The following TINAGL1 variants were observed in gnomAD, a reference collection of about 807,000 sequenced individuals.
TINAGL1 encodes tubulointerstitial nephritis antigen like 1, also known as tubulointerstitial nephritis antigen-like.
A neutral mutation model predicts 62.0 loss-of-function variants in TINAGL1; 34 were observed. The ratio of observed to expected loss-of-function variants is 0.55; its 90% CI spans 0.42 to 0.73. TINAGL1 has a LOEUF of 0.73. TINAGL1 is among the 30% of genes least tolerant of loss of function. The pLI is 0.00. For missense variants in TINAGL1, 516 were observed against 653.2 expected (o/e 0.79, Z 2.29); for synonymous variants, 221 against 249.7 (o/e 0.88, Z 1.08).
Position 31,576,973 on chromosome 1 carries a change from GC to G in TINAGL1, c.-15-158del, listed in dbSNP as rs1205133309. 5.2e-5 allele frequency: 33 copies of G among 630,662 alleles called. No homozygotes were observed. The highest frequency in any genetic ancestry group is 8.4e-5 in the Non-Finnish European group (32 of 380,480). 39.1% of individuals were successfully genotyped at this position (630,662 alleles called of 1,614,324 possible). ...CAGTCCCCATCCCCCTATAGCCAGG[GC>G]CCACACACTGGGGCTCCTCTGCCCG... On this transcript the variant is annotated intron_variant, in intron 1 of 11. Transcript: ENST00000271064. This position sits in a 1 kb window ranked among gnomAD's most constrained non-coding sequence, Gnocchi z 5.1.
Position 31,580,162 on chromosome 1 carries a change from GCTCTCTCTCTCTCT to G in TINAGL1, c.374+932_374+945del, listed in dbSNP as rs761677862. ...GCTCTGGACGTTGAGGGGTTAATGCGCTCTCTCTCTCTCTCTCTCTCTCTCTCTCTCTCTCTCTC... is the reference window on the plus strand; with the variant it reads ...GCTCTGGACGTTGAGGGGTTAATGCGCTCTCTCTCTCTCTCTCTCTCTCTC... On this transcript the variant is annotated intron_variant, in intron 3 of 11. Transcript: ENST00000271064. The G allele has an allele frequency of 4.3e-3, 2,042 of 473,468 alleles. 26 individuals carry two copies. In the East Asian group the frequency reaches 0.075, roughly 17 times the overall value. 29.3% of individuals were successfully genotyped at this position (473,468 alleles called of 1,614,324 possible).
chr1:31,579,139 G>A (rs1639130135), intron 2 of TINAGL1, 65 bp from the exon 3 acceptor site: 1 of 1,330,670 alleles, frequency 7.5e-7, no homozygotes, highest in African/African-American at 1.4e-5. Flanking sequence ...GACCTCCAAG[G>A]ACCTGGCCAA....
At chr1:31,582,505 G>T (rs1006274322) in intron 3 of TINAGL1, among the ~76,000 whole-genome samples, 1 of 152,184 alleles carries the variant, frequency 6.6e-6, no homozygotes, top group Non-Finnish European at 1.5e-5. Flanking sequence ...TGTGAAGCCA[G>T]TGGAGGGTTT....
chr1:31,584,583 A>G lies in TINAGL1; in HGVS notation c.583-95A>G, dbSNP rs566819704. On this transcript the variant is annotated intron_variant, in intron 5 of 11. Transcript: ENST00000271064. This position sits in a 1 kb window ranked among gnomAD's most constrained non-coding sequence, Gnocchi z 4.0. Reference sequence around the variant, plus strand: ...GGAGGGCTCAAGATTAAACTGCAGAAGGCCCTGGACTTGGTGGCCCTCCAG... The same window carrying G: ...GGAGGGCTCAAGATTAAACTGCAGAGGGCCCTGGACTTGGTGGCCCTCCAG... The G allele has an allele frequency of 3.2e-6, 5 of 1,579,832 alleles. No homozygotes were observed. In the East Asian group the frequency reaches 1.1e-4, roughly 36 times the overall value.
At position 31,587,093 on chromosome 1, in the gene TINAGL1, G is replaced by A. The variant is rs922712328; in HGVS notation, c.*114G>A. On this transcript the variant is annotated 3_prime_UTR_variant, in exon 12 of 12. Coordinates refer to ENST00000271064, the MANE Select transcript of TINAGL1 (RefSeq NM_022164.3). ...CCGACAGAGCCCGGGGCGCAGGCGGGCGCCAGGGCGCTAATCCCGGCGCGG... is the reference window on the plus strand; with the variant it reads ...CCGACAGAGCCCGGGGCGCAGGCGGACGCCAGGGCGCTAATCCCGGCGCGG... The A allele has an allele frequency of 1.5e-6, 2 of 1,318,666 alleles. No homozygotes were observed. Among genetic ancestry groups the A allele is most frequent in the African/African-American group, 3.1e-5 (2 of 64,556 alleles). The allele number at this position is 1,318,666 out of a possible 1,614,324, so 81.7% of individuals were successfully genotyped here. A position where few individuals can be genotyped will look rare whatever the true frequency, so the allele number is the denominator to read the frequency against.
rs374041358 is a variant in TINAGL1 at position 31,584,664 on chromosome 1, C to G, written c.583-14C>G. 1 of 1,612,882 alleles carries G rather than the reference C, an allele frequency of 6.2e-7. No individual in the cohort carries two copies. Among genetic ancestry groups the G allele is most frequent in the Non-Finnish European group, 8.5e-7 (1 of 1,180,012 alleles). On this transcript the variant is annotated splice_polypyrimidine_tract_variant and intron_variant, in intron 5 of 11. Transcript: ENST00000271064. The surrounding 1 kb of genome is among the most constrained non-coding windows in gnomAD (Gnocchi z 4.0). ...GCAGAGCAGGAGGCAGACAGGGCAA[C>G]CTTTATCTTGCAGACAGTGCTGAAC...
Position 31,576,628 on chromosome 1 carries a change from G to C in TINAGL1, c.-16+33G>C, listed in dbSNP as rs1344341154. On this transcript the variant is annotated intron_variant, in intron 1 of 11. Transcript: ENST00000271064. The surrounding 1 kb of genome is among the most constrained non-coding windows in gnomAD (Gnocchi z 5.1). ...CGCTCCCCTGCTCAGAGGGCGGAAG[G>C]TGTAGACAGAGAAGAAACAGGGGGA... 3 of 154,062 alleles carry C rather than the reference G, an allele frequency of 1.9e-5. No homozygotes were observed. The highest frequency in any genetic ancestry group is 7.2e-5 in the African/African-American group (3 of 41,470). The allele number at this position is 154,062 out of a possible 1,614,324, so 9.5% of individuals were successfully genotyped here. A position where few individuals can be genotyped will look rare whatever the true frequency, so the allele number is the denominator to read the frequency against.
At position 31,585,578 on chromosome 1, in the gene TINAGL1, G is replaced by A; in HGVS notation, c.1093+93G>A. 3.2e-6 allele frequency: 5 copies of A among 1,571,750 alleles called. No individual in the cohort carries two copies. Among genetic ancestry groups the A allele is most frequent in the Non-Finnish European group, 4.3e-6 (5 of 1,154,464 alleles). On this transcript the variant is annotated intron_variant, in intron 9 of 11. Coordinates refer to ENST00000271064, the MANE Select transcript of TINAGL1 (RefSeq NM_022164.3). This position sits in a 1 kb window ranked among gnomAD's most constrained non-coding sequence, Gnocchi z 4.3. Reference sequence around the variant, plus strand: ...CAAGTGGCCTGCACAGCATTCAGCAGCATGTCCAGTAGGGCCAGGAGTAGG... The same window carrying A: ...CAAGTGGCCTGCACAGCATTCAGCAACATGTCCAGTAGGGCCAGGAGTAGG...
Position 31,586,961 on chromosome 1 carries a change from G to C in TINAGL1, c.1386G>C (p.Glu462Asp). ...GCGTCTGGGGCCGCGTGGGCATGGA[G>C]GACATGGGTCATCACTGAGGCTGCG... ...VLGVWGRVGM[E>D]DMGHH The change falls in exon 12 of 12, where the codon GAG (glutamate) becomes GAC (aspartate). Residue 462 changes from glutamate (E) to aspartate (D), a missense_variant. Glu to Asp is a conservative substitution (Grantham distance 45). Coordinates refer to ENST00000271064, the MANE Select transcript of TINAGL1 (RefSeq NM_022164.3). 3.9e-6 allele frequency: 6 copies of C among 1,524,754 alleles called. No homozygotes were observed. Among genetic ancestry groups the C allele is most frequent in the Non-Finnish European group, 5.3e-6 (6 of 1,140,432 alleles). The allele number at this position is 1,524,754 out of a possible 1,614,324, so 94.5% of individuals were successfully genotyped here.
At chr1:31,579,321 C>T in intron 3 of TINAGL1, 54 bp downstream of exon 3, 1 of 1,522,866 alleles carries the variant, frequency 6.6e-7, no homozygotes, top group Non-Finnish European at 9.1e-7. Flanking sequence ...GGCTGACAGA[C>T]TTGGTTCAAA....
At chr1:31,579,340 C>T in intron 3 of TINAGL1, 73 bp downstream of exon 3, 2 of 1,380,758 alleles carry the variant, frequency 1.4e-6, no homozygotes, top group Non-Finnish European at 2.1e-6. Flanking sequence ...AATCTTATCC[C>T]TGACCCCTTT....
chr1:31,581,208 G>A (rs1413825819), intron 3 of TINAGL1, among the ~76,000 whole-genome samples: 3 of 150,766 alleles, frequency 2.0e-5, no homozygotes, highest in Non-Finnish European at 3.0e-5. Flanking sequence ...ATTTTGTTTG[G>A]AGTCACAGGA....
chr1:31,583,042 C>G lies in TINAGL1; in HGVS notation c.375-107C>G. ...ATGGGATCACCTAGAGATTCTCCCA[C>G]AGTCACTTGCACAGACTCCCTGGCC... On this transcript the variant is annotated intron_variant, in intron 3 of 11. Coordinates refer to ENST00000271064, the MANE Select transcript of TINAGL1 (RefSeq NM_022164.3). The surrounding 1 kb of genome is among the most constrained non-coding windows in gnomAD (Gnocchi z 4.4). The G allele has an allele frequency of 2.1e-6, 2 of 936,126 alleles. No individual in the cohort carries two copies. Among genetic ancestry groups the G allele is most frequent in the Non-Finnish European group, 3.5e-6 (2 of 573,072 alleles). 58.0% of individuals were successfully genotyped at this position (936,126 alleles called of 1,614,324 possible).
Position 31,585,524 on chromosome 1 carries a change from G to C in TINAGL1, c.1093+39G>C, listed in dbSNP as rs777678743. On this transcript the variant is annotated intron_variant, in intron 9 of 11. Coordinates refer to ENST00000271064, the MANE Select transcript of TINAGL1 (RefSeq NM_022164.3). This position sits in a 1 kb window ranked among gnomAD's most constrained non-coding sequence, Gnocchi z 4.3. ...TCCAGCACCCTGGTTCCAGAAGCTT[G>C]TGCCTGCTTGAGAGTGGGCACAGTA... 7 of 1,612,322 alleles carry C rather than the reference G, an allele frequency of 4.3e-6. No individual in the cohort carries two copies. The Admixed American group carries it at 5.0e-5, about 12-fold the overall frequency.
At position 31,577,827 on chromosome 1, in the gene TINAGL1, G is replaced by C. The variant is rs1557553971; in HGVS notation, c.310+369G>C. The C allele has an allele frequency of 4.7e-6, 1 of 211,840 alleles. No homozygotes were observed. Among genetic ancestry groups the C allele is most frequent in the Non-Finnish European group, 9.4e-6 (1 of 106,498 alleles). 13.1% of individuals were successfully genotyped at this position (211,840 alleles called of 1,614,324 possible). ...TGAGGATTCTAGGATCCTGTGCCCCGAGATGGCTGCTCATACCTGGGAGAT... is the reference window on the plus strand; with the variant it reads ...TGAGGATTCTAGGATCCTGTGCCCCCAGATGGCTGCTCATACCTGGGAGAT... On this transcript the variant is annotated intron_variant, in intron 2 of 11. Transcript: ENST00000271064. The surrounding 1 kb of genome is among the most constrained non-coding windows in gnomAD (Gnocchi z 5.4).
intron 3 of TINAGL1, among the ~76,000 whole-genome samples, chr1:31,582,118 C>A (rs1319364559): frequency 6.6e-6 from 1 of 152,106 alleles, no homozygotes. Flanking sequence ...TCACTTGAGG[C>A]CAGGAATTTG....
chr1:31,586,624 G>C, intron 10 of TINAGL1, 86 bp from the exon 11 acceptor site: 1 of 1,512,182 alleles, frequency 6.6e-7, no homozygotes, highest in Non-Finnish European at 9.0e-7. Context: ...AGGCAACTGG[G>C]GGCTGGATGG....
In TINAGL1 at chr1:31,577,419, T is replaced by G; in HGVS notation, c.271T>G (p.Phe91Val). The G allele has an allele frequency of 6.2e-7, 1 of 1,613,648 alleles. No homozygotes were observed. The highest frequency in any genetic ancestry group is 8.5e-7 in the Non-Finnish European group (1 of 1,179,822). Reference sequence around the variant, plus strand: ...CGACTGCTGCCCTGACTTCTGGGACTTCTGCCTCGGCGTGCCACCCCCTTT... The same window carrying G: ...CGACTGCTGCCCTGACTTCTGGGACGTCTGCCTCGGCGTGCCACCCCCTTT... ...VSDCCPDFWD[F>V]CLGVPPPFPP... Residue 91 changes from phenylalanine to valine, a missense_variant, in exon 2 of 12, where the codon TTC becomes GTC. Physicochemically the swap from Phe to Val is conservative, Grantham distance 50 (BLOSUM62 -1). Coordinates refer to ENST00000271064, the MANE Select transcript of TINAGL1 (RefSeq NM_022164.3). This position sits in a 1 kb window ranked among gnomAD's most constrained non-coding sequence, Gnocchi z 5.4.
At position 31,576,999 on chromosome 1, in the gene TINAGL1, G is replaced by A. The variant is rs1172155879; in HGVS notation, c.-15-135G>A. ...CCCACACACTGGGGCTCCTCTGCCC[G>A]TGTCCTGCCTGGGGACTCAGGAATC... is the stretch of plus-strand genomic sequence containing the variant. On this transcript the variant is annotated intron_variant, in intron 1 of 11. Transcript: ENST00000271064. This position sits in a 1 kb window ranked among gnomAD's most constrained non-coding sequence, Gnocchi z 5.1. 2.4e-5 allele frequency: 19 copies of A among 795,560 alleles called. No homozygotes were observed. The highest frequency in any genetic ancestry group is 8.4e-5 in the East Asian group (3 of 35,866). 49.3% of individuals were successfully genotyped at this position (795,560 alleles called of 1,614,324 possible).
Sources: gnomAD v4.1 joint callset for allele counts (sites outside exome capture counted in the v4.1 genomes callset) on GRCh38, gnomAD v4.1.1 for gene constraint, Gnocchi (gnomAD v3.1) non-coding constraint, MANE v1.5 for transcripts, NCBI Gene and HGNC (gene_info 2026-07-23, HGNC 2026-07-21) for gene names.